Variants in IP6K2 observed in about 807,000 individuals in gnomAD.
IP6K2 encodes the protein inositol hexakisphosphate kinase 2.
Under a neutral mutation model 43.3 loss-of-function variants are expected in IP6K2, and 9 were observed. That is an observed-to-expected ratio of 0.21 (90% CI 0.13 to 0.36). The LOEUF is 0.36. IP6K2 is among the 10% of genes least tolerant of loss of function. IP6K2 has a pLI of 1.00. For synonymous variants in IP6K2, 209 were observed against 202.4 expected (o/e 1.03, Z -0.28); for missense variants, 332 against 538.4 (o/e 0.62, Z 3.79).
At position 48,688,070 on chromosome 3, in the gene IP6K2, T is replaced by C. The variant is rs1417935738; in HGVS notation, c.*203A>G. ...GGAAGAAAGAGGTATCATCATCAAA[T>C]GTGGAATGTTGAAGAAATAGTTAAA... On this transcript the variant is annotated 3_prime_UTR_variant, in exon 6 of 6. Coordinates refer to ENST00000328631, the MANE Select transcript of IP6K2 (RefSeq NM_016291.4). This position sits in a 1 kb window ranked among gnomAD's most constrained non-coding sequence, Gnocchi z 5.1. The C allele has an allele frequency of 1.7e-6, 1 of 601,904 alleles. No individual in the cohort carries two copies. Among genetic ancestry groups the C allele is most frequent in the Non-Finnish European group, 3.0e-6 (1 of 338,204 alleles). 37.3% of individuals were successfully genotyped at this position (601,904 alleles called of 1,614,324 possible). A position where few individuals can be genotyped will look rare whatever the true frequency, so the allele number is the denominator to read the frequency against.
chr3:48,708,511 C>T (rs1191959508), intron 1 of IP6K2, among the ~76,000 whole-genome samples: 1 of 151,952 alleles, frequency 6.6e-6, no homozygotes, highest in Non-Finnish European at 1.5e-5. Flanking sequence ...GATTACAAGG[C>T]ATGAGTCAAC....
Position 48,695,731 on chromosome 3 carries a change from A to G in IP6K2, c.-130-310T>C. Reference sequence around the variant, plus strand: ...ACTGATGCCATGGTGAGGTGAAATCACAATTTCAAGCCTAATATTTGGATT... The same window carrying G: ...ACTGATGCCATGGTGAGGTGAAATCGCAATTTCAAGCCTAATATTTGGATT... On this transcript the variant is annotated intron_variant, in intron 1 of 5. Transcript: ENST00000328631. This position sits in a 1 kb window ranked among gnomAD's most constrained non-coding sequence, Gnocchi z 4.6. 1 of 276,234 alleles carries G rather than the reference A, an allele frequency of 3.6e-6. No homozygotes were observed. The highest frequency in any genetic ancestry group is 6.7e-6 in the Non-Finnish European group (1 of 148,366). 17.1% of individuals were successfully genotyped at this position (276,234 alleles called of 1,614,324 possible).
chr3:48,690,976 G>A (rs2077732504), intron 4 of IP6K2, among the ~76,000 whole-genome samples: 1 of 152,022 alleles, frequency 6.6e-6, no homozygotes, highest in Non-Finnish European at 1.5e-5. Flanking sequence ...CTTCTGAAAA[G>A]TCTGAAAACA....
Position 48,695,665 on chromosome 3 carries a change from A to G in IP6K2, c.-130-244T>C. ...GGGTTCAGGGGCCCTAAAAAGGCAG[A>G]GGTCCCACTACGGTGTTAGAAAGCC... On this transcript the variant is annotated intron_variant, in intron 1 of 5. Transcript: ENST00000328631. This position sits in a 1 kb window ranked among gnomAD's most constrained non-coding sequence, Gnocchi z 4.6. 2.5e-6 allele frequency: 1 copy of G among 392,248 alleles called. No individual in the cohort carries two copies. Among genetic ancestry groups the G allele is most frequent in the Non-Finnish European group, 4.4e-6 (1 of 227,974 alleles). 24.3% of individuals were successfully genotyped at this position (392,248 alleles called of 1,614,324 possible).
intron 4 of IP6K2, among the ~76,000 whole-genome samples, chr3:48,690,704 G>A (rs1475405507): frequency 1.3e-5 from 2 of 150,552 alleles, no homozygotes; most frequent in Non-Finnish European, 2.9e-5. Context: ...CATGAGAATC[G>A]CTTGAACCTG....
At chr3:48,709,141 C>G (rs1225584791) in intron 1 of IP6K2, among the ~76,000 whole-genome samples, 2 of 152,158 alleles carry the variant, frequency 1.3e-5, no homozygotes, top group African/African-American at 4.8e-5. Context: ...CAATGTTTAC[C>G]CCATTTAGCT....
intron 4 of IP6K2, 69 bp downstream of exon 4, chr3:48,691,238 C>T: frequency 2.3e-6 from 3 of 1,330,728 alleles, no homozygotes; most frequent in Non-Finnish European, 3.1e-6. Flanking sequence ...TCTCTCCAAG[C>T]TCCAAGGGAC....
intron 1 of IP6K2, among the ~76,000 whole-genome samples, chr3:48,696,814 G>C (rs1430187414): frequency 6.6e-6 from 1 of 152,090 alleles, no homozygotes; most frequent in Non-Finnish European, 1.5e-5. Flanking sequence ...TTATGTATCA[G>C]GCTCATGACA....
chr3:48,689,734 C>G (rs756786163), intron 4 of IP6K2, 21 bp from the exon 5 acceptor site: 11 of 1,607,090 alleles, frequency 6.8e-6, no homozygotes, highest in Non-Finnish European at 9.4e-6. Context: ...AAGAATAATA[C>G]CCCCAAAAGG....
chr3:48,693,024 G>C lies in IP6K2; in HGVS notation c.358C>G (p.His120Asp). ...GGGGTCTTTTCTGTTTCTAAGACAT[G>C]ATGTTTTTTGTTTGTTGTCCACCTT... ...LLRWTTNKKH[H>D]VLETEKTPKD... is the part of the protein sequence containing the mutation. The change falls in exon 3 of 6, where the codon CAT becomes GAT. Residue 120 changes from histidine to aspartate, a missense_variant. Transcript: ENST00000328631. 6 of 1,614,192 alleles carry C rather than the reference G, an allele frequency of 3.7e-6. No homozygotes were observed. The highest frequency in any genetic ancestry group is 4.2e-6 in the Non-Finnish European group (5 of 1,180,004).
At chr3:48,712,336 A>G (rs2080640430) in intron 1 of IP6K2, among the ~76,000 whole-genome samples, 1 of 146,348 alleles carries the variant, frequency 6.8e-6, no homozygotes, top group Non-Finnish European at 1.5e-5. Context: ...TCCGCTTCCC[A>G]GGTTCACACC....
chr3:48,714,489 T>C lies in IP6K2; in HGVS notation c.-131+2668A>G, dbSNP rs377706532. Reference sequence around the variant, plus strand: ...CTCACTGCAATCTCCACCCCCTGGGTTCAAACGATTCTCTTGCTTCAGCCT... The same window carrying C: ...CTCACTGCAATCTCCACCCCCTGGGCTCAAACGATTCTCTTGCTTCAGCCT... On this transcript the variant is annotated intron_variant, in intron 1 of 5. Transcript: ENST00000328631. Among the ~76,000 whole-genome samples, 39 of 151,800 alleles carry C rather than the reference T, an allele frequency of 2.6e-4. No individual in the cohort carries two copies. In the East Asian group the frequency reaches 6.9e-3, roughly 27 times the overall value.
chr3:48,702,775 T>G (rs979804366), intron 1 of IP6K2, among the ~76,000 whole-genome samples: 1 of 152,196 alleles, frequency 6.6e-6, no homozygotes, highest in African/African-American at 2.4e-5. Context: ...CAATTTCCAC[T>G]TGAAAACAAG....
At chr3:48,700,351 T>C (rs1021965061) in intron 1 of IP6K2, among the ~76,000 whole-genome samples, 1 of 152,184 alleles carries the variant, frequency 6.6e-6, no homozygotes, top group Non-Finnish European at 1.5e-5. Context: ...CTCTCTCTTT[T>C]TGAGCAGTGT....
At chr3:48,698,467 C>A (rs1455316732) in intron 1 of IP6K2, among the ~76,000 whole-genome samples, 1 of 151,900 alleles carries the variant, frequency 6.6e-6, no homozygotes, top group African/African-American at 2.4e-5. Context: ...CCCATCTCTA[C>A]AATTTTTTTG....
At chr3:48,710,531 G>A (rs1262584108) in intron 1 of IP6K2, among the ~76,000 whole-genome samples, 1 of 152,198 alleles carries the variant, frequency 6.6e-6, no homozygotes, top group African/African-American at 2.4e-5. Context: ...GTCTTTGAGC[G>A]TGAGATAAAT....
At chr3:48,694,950 G>A (rs2078157992) in intron 2 of IP6K2, 140 bp downstream of exon 2, 2 of 1,573,600 alleles carry the variant, frequency 1.3e-6, no homozygotes, top group East Asian at 4.7e-5. Context: ...AGGGCCAGGA[G>A]GAGGAGAAGG....
chr3:48,716,489 T>C (rs2081206951), intron 1 of IP6K2: 1 of 152,200 alleles, frequency 6.6e-6, no homozygotes, highest in African/African-American at 2.4e-5. Context: ...TAAAATGAAA[T>C]AAGCCATTAG....
intron 1 of IP6K2, among the ~76,000 whole-genome samples, chr3:48,705,616 G>A (rs1386004183): frequency 6.6e-6 from 1 of 150,890 alleles, no homozygotes; most frequent in African/African-American, 2.4e-5. Flanking sequence ...TCATGCCACT[G>A]CACTCCAGCC....
Sources: allele counts gnomAD v4.1 joint callset (sites outside exome capture counted in the v4.1 genomes callset), GRCh38; gene constraint gnomAD v4.1.1; non-coding constraint Gnocchi (gnomAD v3.1); transcripts MANE v1.5; gene names NCBI Gene and HGNC (gene_info 2026-07-23, HGNC 2026-07-21).